The following NRG1 variants were observed in gnomAD, a reference collection of about 807,000 sequenced individuals.
The protein encoded by NRG1 is neuregulin 1, also known as pro-neuregulin-1, membrane-bound isoform.
A neutral mutation model predicts 63.8 loss-of-function variants in NRG1; 18 were observed. The observed-to-expected ratio is 0.28, with a 90% CI of 0.19 to 0.42. The LOEUF is 0.42. NRG1 is among the 10% of genes least tolerant of loss of function. The pLI is 1.00. For missense variants in NRG1, 762 were observed against 814.7 expected, an observed-to-expected ratio of 0.94 and a Z score of 0.79; for synonymous variants, 302 against 301.3, an observed-to-expected ratio of 1.00 and a Z score of -0.02.
intron 1 of NRG1, among the ~76,000 whole-genome samples, chr8:31,974,024 A>C (rs569617641): frequency 6.6e-6 from 1 of 152,292 alleles, no homozygotes; most frequent in East Asian, 1.9e-4. Context: ...CCAGATTTCA[A>C]ACTGTCGCTC....
intron 1 of NRG1, among the ~76,000 whole-genome samples, chr8:31,969,576 A>G (rs1288334547): frequency 6.6e-6 from 1 of 152,114 alleles, no homozygotes; most frequent in Non-Finnish European, 1.5e-5. Context: ...ATTGGTTCTG[A>G]TCACTGTAGA....
exon 12 of NRG1, chr8:32,764,209 C>T (rs747610600): frequency 1.2e-6 from 2 of 1,613,998 alleles, no homozygotes; most frequent in South Asian, 1.1e-5. Context: ...GAGAGTGAAA[C>T]AGAAGATGAA....
intron 6 of NRG1, among the ~76,000 whole-genome samples, chr8:32,733,842 A>G (rs1414959891): frequency 6.6e-6 from 1 of 152,256 alleles, no homozygotes; most frequent in African/African-American, 2.4e-5. Flanking sequence ...AAGTTAGAGA[A>G]GACTTTTTAA....
intron 1 of NRG1, among the ~76,000 whole-genome samples, chr8:32,224,975 A>G (rs1356327924): frequency 2.6e-5 from 4 of 152,180 alleles, no homozygotes; most frequent in African/African-American, 9.7e-5. Context: ...TAAAGATGAA[A>G]CAGGTGTTAT....
intron 1 of NRG1, among the ~76,000 whole-genome samples, chr8:32,046,814 G>A (rs542297531): frequency 2.6e-5 from 4 of 152,070 alleles, no homozygotes; most frequent in African/African-American, 9.6e-5. Flanking sequence ...GGAGGTTTTG[G>A]GGGAACTGAT....
chr8:31,834,075 G>A (rs1269916495), intron 1 of NRG1, among the ~76,000 whole-genome samples: 1 of 152,104 alleles, frequency 6.6e-6, no homozygotes, highest in Non-Finnish European at 1.5e-5. Flanking sequence ...GCCATGATAT[G>A]AGGCACCATG....
At chr8:32,341,349 G>C (rs1804049030) in intron 1 of NRG1, among the ~76,000 whole-genome samples, 3 of 152,154 alleles carry the variant, frequency 2.0e-5, no homozygotes, top group Admixed American at 2.0e-4. Flanking sequence ...ACATCCTTTG[G>C]CAGAGAAGAG....
chr8:31,762,404 CATGGTG>C (rs1311151699), intron 1 of NRG1, among the ~76,000 whole-genome samples: 1 of 152,168 alleles, frequency 6.6e-6, no homozygotes, highest in Non-Finnish European at 1.5e-5. Context: ...CAAAGTATTC[CATGGTG>C]TATGTGTGTC....
chr8:32,388,873 A>T (rs973543069), intron 1 of NRG1, among the ~76,000 whole-genome samples: 2 of 152,194 alleles, frequency 1.3e-5, no homozygotes, highest in African/African-American at 4.8e-5. Context: ...GGAACGTTCC[A>T]GATGGAATTT....
At chr8:32,611,983 C>T (rs924476983) in intron 3 of NRG1, among the ~76,000 whole-genome samples, 2 of 151,968 alleles carry the variant, frequency 1.3e-5, no homozygotes, top group Admixed American at 1.3e-4. Flanking sequence ...TGAGACCAGA[C>T]CCCGTTTATT....
At chr8:32,731,597 A>C (rs1589469501) in intron 6 of NRG1, among the ~76,000 whole-genome samples, 1 of 152,194 alleles carries the variant, frequency 6.6e-6, no homozygotes, top group East Asian at 1.9e-4. Flanking sequence ...TACATCCAAA[A>C]TACTTCAAAC....
At position 32,557,479 on chromosome 8, in the gene NRG1, A is replaced by T. The variant is rs78642526; in HGVS notation, c.100+8653A>T. On this transcript the variant is annotated intron_variant, in intron 1 of 11. Transcript: ENST00000356819. ...CATTCTGTTGTTTCAGTTGTTTAAA[A>T]ATAAGTAACAAAAGAGAGGGGTCTG... is the stretch of plus-strand genomic sequence containing the variant. Among the ~76,000 whole-genome samples, 622 of 152,322 alleles carry T rather than the reference A, an allele frequency of 4.1e-3. 5 individuals carry two copies. The highest frequency in any genetic ancestry group is 0.015 in the African/African-American group (605 of 41,550).
chr8:31,791,437 T>G, intron 1 of NRG1, among the ~76,000 whole-genome samples: 1 of 152,146 alleles, frequency 6.6e-6, no homozygotes, highest in South Asian at 2.1e-4. Context: ...ATAGAAAATG[T>G]TTGCCACCTC....
At chr8:32,646,586 A>C in intron 5 of NRG1, 1 of 656,084 alleles carries the variant, frequency 1.5e-6, no homozygotes, top group Non-Finnish European at 1.9e-6. Context: ...TTAGATTGCT[A>C]GCATCGATCG....
At chr8:32,286,389 A>C (rs185291938) in intron 1 of NRG1, among the ~76,000 whole-genome samples, 1 of 152,178 alleles carries the variant, frequency 6.6e-6, no homozygotes, top group Non-Finnish European at 1.5e-5. Context: ...CCTCACTCCT[A>C]TGTTTTCCCA....
intron 1 of NRG1, among the ~76,000 whole-genome samples, chr8:31,824,837 C>T (rs1824379039): frequency 6.6e-6 from 1 of 152,126 alleles, no homozygotes; most frequent in African/African-American, 2.4e-5. Context: ...CATATGTGAA[C>T]ATTAGGAAGA....
intron 1 of NRG1, among the ~76,000 whole-genome samples, chr8:32,138,698 G>A (rs1262278703): frequency 6.6e-6 from 1 of 152,028 alleles, no homozygotes; most frequent in Non-Finnish European, 1.5e-5. Context: ...AAGTAGCTGA[G>A]TTTATAGGCG....
At chr8:32,217,756 T>C (rs929611307) in intron 1 of NRG1, among the ~76,000 whole-genome samples, 1 of 152,200 alleles carries the variant, frequency 6.6e-6, no homozygotes, top group African/African-American at 2.4e-5. Flanking sequence ...ATTCTTGAAA[T>C]CTTTACCTAG....
At chr8:31,933,605 G>A (rs1257376847) in intron 1 of NRG1, among the ~76,000 whole-genome samples, 1 of 152,046 alleles carries the variant, frequency 6.6e-6, no homozygotes, top group African/African-American at 2.4e-5. Flanking sequence ...TTAAATATGA[G>A]GAAACTGAGA....
Sources: allele counts gnomAD v4.1 joint callset (sites outside exome capture counted in the v4.1 genomes callset), GRCh38; gene constraint gnomAD v4.1.1; transcripts MANE v1.5; gene names NCBI Gene and HGNC (gene_info 2026-07-23, HGNC 2026-07-21).